MYT1L: variants seen among roughly 807,000 people sequenced by gnomAD.
MYT1L encodes the protein myelin transcription factor 1-like protein.
In MYT1L, 12 loss-of-function variants were observed where a neutral mutation model predicts 126.7. The ratio of observed to expected loss-of-function variants is 0.09; its 90% CI spans 0.06 to 0.15. The LOEUF (loss-of-function observed/expected upper bound fraction) is 0.15, where lower values mean the gene tolerates loss of function less well. Ranked by LOEUF, MYT1L falls within the 10% of genes least tolerant of loss-of-function variation. The probability of loss-of-function intolerance (pLI) is 1.00; values close to 1 mark genes in which losing one functional copy is unlikely to be tolerated. For missense variants in MYT1L, 979 were observed against 1,585.2 expected (o/e 0.62, Z 6.49); for synonymous variants, 541 against 604.2 (o/e 0.90, Z 1.53).
chr2:2,145,810 AT>A (rs576421292), intron 3 of MYT1L, among the ~76,000 whole-genome samples: 184 of 152,384 alleles, frequency 1.2e-3, no homozygotes, highest in Non-Finnish European at 2.0e-3. Flanking sequence ...AATTATATAA[AT>A]TAATTTGGCT....
chr2:1,916,957 G>A (rs565527360), intron 11 of MYT1L, among the ~76,000 whole-genome samples: 8 of 152,326 alleles, frequency 5.3e-5, no homozygotes, highest in Non-Finnish European at 1.2e-4. Flanking sequence ...CTGAACTCAG[G>A]ACTAGAACCC....
At chr2:1,845,895 G>T (rs2042431883) in intron 19 of MYT1L, among the ~76,000 whole-genome samples, 1 of 152,108 alleles carries the variant, frequency 6.6e-6, no homozygotes, top group East Asian at 1.9e-4. Context: ...CTGGTCCTTT[G>T]CTTGGAATAT....
In MYT1L at chr2:2,319,677, A is replaced by C. The variant is rs553572756; in HGVS notation, c.-521+11290T>G. ...ACTCAACTCTTCTTCTTAAGTCATA[A>C]GAATGCTTTAATCTATTTCAAAATG... is the stretch of plus-strand genomic sequence containing the variant. On this transcript the variant is annotated intron_variant, in intron 1 of 24. Transcript: ENST00000647738. Among the ~76,000 whole-genome samples the C allele has an allele frequency of 3.3e-5, 5 of 152,226 alleles. No homozygotes were observed. The South Asian group carries it at 8.3e-4, about 25-fold the overall frequency.
At chr2:1,981,590 C>T (rs960974376) in intron 5 of MYT1L, among the ~76,000 whole-genome samples, 7 of 152,316 alleles carry the variant, frequency 4.6e-5, no homozygotes, top group Admixed American at 6.5e-5. Context: ...ACGGTGCAGA[C>T]GACGGGCCTG....
chr2:1,894,022 C>T (rs187224189), intron 14 of MYT1L, among the ~76,000 whole-genome samples: 4 of 152,330 alleles, frequency 2.6e-5, no homozygotes, highest in Admixed American at 2.6e-4. Flanking sequence ...CGCTTTACAC[C>T]CAGATTCCTG....
In MYT1L at chr2:1,789,778, A is replaced by G. The variant is rs1394133119; in HGVS notation, c.*2089T>C. On this transcript the variant is annotated 3_prime_UTR_variant, in exon 25 of 25. Coordinates refer to ENST00000647738, the MANE Select transcript of MYT1L (RefSeq NM_001303052.2). ...CAAGCACCTTGCTTCAGCTCTCAAA[A>G]CGCATTCTGAGCATGGCAGCTGCAA... The G allele has an allele frequency of 6.6e-6, 1 of 152,154 alleles. No homozygotes were observed. Among genetic ancestry groups the G allele is most frequent in the Non-Finnish European group, 1.5e-5 (1 of 68,026 alleles). The allele number at this position is 152,154 out of a possible 1,614,324, so 9.4% of individuals were successfully genotyped here.
chr2:2,185,474 T>A (rs375517714), intron 2 of MYT1L, among the ~76,000 whole-genome samples: 1 of 83,452 alleles, frequency 1.2e-5, no homozygotes, highest in Non-Finnish European at 2.4e-5. Flanking sequence ...GCGTTCCTTC[T>A]GTGAGGGGGA....
intron 2 of MYT1L, among the ~76,000 whole-genome samples, chr2:2,216,232 T>A (rs1265769888): frequency 6.6e-6 from 1 of 152,150 alleles, no homozygotes; most frequent in Non-Finnish European, 1.5e-5. Context: ...AAGAACAGCC[T>A]AATACACCAA....
intron 3 of MYT1L, among the ~76,000 whole-genome samples, chr2:2,130,667 G>C (rs2082252943): frequency 6.6e-6 from 1 of 152,192 alleles, no homozygotes; most frequent in African/African-American, 2.4e-5. Flanking sequence ...AATGGAGTAA[G>C]AACAGGTTGA....
At chr2:2,051,506 G>C (rs1017891870) in intron 4 of MYT1L, among the ~76,000 whole-genome samples, 1 of 152,136 alleles carries the variant, frequency 6.6e-6, no homozygotes, top group Non-Finnish European at 1.5e-5. Flanking sequence ...GGACACCAGC[G>C]TATCTTCAAT....
rs1407857569 is a variant in MYT1L at position 1,848,338 on chromosome 2, G to A, written c.2774+3303C>T. Among the ~76,000 whole-genome samples the A allele has an allele frequency of 3.2e-5, 2 of 61,804 alleles. No homozygotes were observed. The highest frequency in any genetic ancestry group is 9.8e-5 in the African/African-American group (1 of 10,240). 40.5% of individuals were successfully genotyped at this position (61,804 alleles called of 152,430 possible). On this transcript the variant is annotated intron_variant, in intron 19 of 24. Coordinates refer to ENST00000647738, the MANE Select transcript of MYT1L (RefSeq NM_001303052.2). The surrounding 1 kb of genome is among the most constrained non-coding windows in gnomAD (Gnocchi z 4.8). ...CAGGAGGAAGAATTCCAGACACCAC[G>A]GAAGCGCGAGGCGTTTGTCCTGGGA...
At chr2:1,947,628 T>C (rs1445975578) in intron 8 of MYT1L, among the ~76,000 whole-genome samples, 2 of 152,224 alleles carry the variant, frequency 1.3e-5, no homozygotes, top group Non-Finnish European at 2.9e-5. Flanking sequence ...CCCACTTTCA[T>C]TGCTTTTCCA....
chr2:1,822,834 C>A (rs2038748820), intron 21 of MYT1L, among the ~76,000 whole-genome samples: 1 of 135,480 alleles, frequency 7.4e-6, no homozygotes, highest in Non-Finnish European at 1.6e-5. Flanking sequence ...GTGAAACCCT[C>A]CTCTCCTGGA....
chr2:2,158,710 AC>A (rs1478493103), intron 3 of MYT1L, among the ~76,000 whole-genome samples: 8 of 151,188 alleles, frequency 5.3e-5, no homozygotes, highest in African/African-American at 1.7e-4. Context: ...AAGTACACAC[AC>A]ACACACACAC....
At chr2:1,987,920 C>A (rs1325658169) in intron 5 of MYT1L, among the ~76,000 whole-genome samples, 2 of 152,170 alleles carry the variant, frequency 1.3e-5, no homozygotes, top group Non-Finnish European at 2.9e-5. Context: ...GTACCAACTC[C>A]CCCTGAAGCT....
Position 1,791,769 on chromosome 2 carries a change from C to T in MYT1L, c.*98G>A. The stretch of plus-strand genomic sequence containing the variant: ...TGTAAGCATAACACTGTTTCAAATT[C>T]AAACAGAAATAAATATAGAACACTT... On this transcript the variant is annotated 3_prime_UTR_variant, in exon 25 of 25. Transcript: ENST00000647738. The surrounding 1 kb of genome is among the most constrained non-coding windows in gnomAD (Gnocchi z 6.0). 1 of 1,212,062 alleles carries T rather than the reference C, an allele frequency of 8.3e-7. No individual in the cohort carries two copies. The highest frequency in any genetic ancestry group is 1.1e-6 in the Non-Finnish European group (1 of 890,278). 75.1% of individuals were successfully genotyped at this position (1,212,062 alleles called of 1,614,324 possible).
chr2:2,248,193 G>A (rs1279193310), intron 2 of MYT1L, among the ~76,000 whole-genome samples: 1 of 151,698 alleles, frequency 6.6e-6, no homozygotes, highest in Non-Finnish European at 1.5e-5. Flanking sequence ...AATGAAAAAG[G>A]AGTTATTACA....
intron 19 of MYT1L, among the ~76,000 whole-genome samples, chr2:1,845,111 T>C (rs1432856662): frequency 1.3e-5 from 2 of 152,058 alleles, no homozygotes; most frequent in Non-Finnish European, 2.9e-5. Context: ...CCTGAGTAGC[T>C]GGGATTACAG....
intron 18 of MYT1L, among the ~76,000 whole-genome samples, chr2:1,885,830 T>C (rs887322183): frequency 2.6e-5 from 4 of 152,162 alleles, no homozygotes; most frequent in East Asian, 1.9e-4. Context: ...GCTTTGAGAC[T>C]CCCCCTGTGA....
Sources: allele counts gnomAD v4.1 joint callset (sites outside exome capture counted in the v4.1 genomes callset), GRCh38; gene constraint gnomAD v4.1.1; non-coding constraint Gnocchi (gnomAD v3.1); transcripts MANE v1.5; gene names NCBI Gene and HGNC (gene_info 2026-07-23, HGNC 2026-07-21).